Variants in CSF3R observed in about 807,000 individuals in gnomAD.
CSF3R encodes colony stimulating factor 3 receptor, also known as granulocyte colony-stimulating factor receptor.
A neutral mutation model predicts 84.4 loss-of-function variants in CSF3R; 52 were observed. That is an observed-to-expected ratio of 0.62 (90% CI 0.49 to 0.78). CSF3R has a LOEUF of 0.78. Among genes scored for constraint, CSF3R ranks in the 30% least tolerant of loss-of-function variants. The pLI is 0.00. For missense variants in CSF3R, 890 were observed against 1,055.7 expected, an observed-to-expected ratio of 0.84 and a Z score of 2.17; for synonymous variants, 384 against 429.1, an observed-to-expected ratio of 0.89 and a Z score of 1.30.
chr1:36,473,011 G>A (rs967606906), intron 6 of CSF3R: 5 of 418,224 alleles, frequency 1.2e-5, no homozygotes, highest in African/African-American at 1.0e-4. Context: ...AAAATAGCCA[G>A]TGCTCCCCTT....
chr1:36,477,877 G>A (rs1042145946), intron 3 of CSF3R, among the ~76,000 whole-genome samples: 3 of 151,914 alleles, frequency 2.0e-5, no homozygotes, highest in African/African-American at 7.3e-5. Context: ...TCCTGCCTCA[G>A]CCTCCCGAGT....
At chr1:36,471,942 G>T in intron 9 of CSF3R, 124 bp downstream of exon 9, 1 of 968,636 alleles carries the variant, frequency 1.0e-6, no homozygotes, top group Non-Finnish European at 1.6e-6. Context: ...CAAAGTGCAT[G>T]CAAATCACAT....
In CSF3R at chr1:36,473,220, G is replaced by A. The variant is rs3917968; in HGVS notation, c.673+215C>T. The A allele has an allele frequency of 1.0e-3, 609 of 602,132 alleles. 4 individuals are homozygous for A. Among genetic ancestry groups the A allele is most frequent in the African/African-American group, 9.6e-3 (518 of 54,012 alleles). 37.3% of individuals were successfully genotyped at this position (602,132 alleles called of 1,614,324 possible). A position where few individuals can be genotyped will look rare whatever the true frequency, so the allele number is the denominator to read the frequency against. On this transcript the variant is annotated intron_variant, in intron 6 of 16. Transcript: ENST00000373106. ...AAACACGCTGAAAGCATGACTGAAT[G>A]TGTCTCTTTGCCTCTGTGTCTCTTC...
chr1:36,473,319 C>T, intron 6 of CSF3R, 116 bp downstream of exon 6: 1 of 1,190,096 alleles, frequency 8.4e-7, no homozygotes, highest in East Asian at 2.4e-5. Context: ...TCTTCTGTGC[C>T]TCTGTCTCTA....
At position 36,467,984 on chromosome 1, in the gene CSF3R, C is replaced by A; in HGVS notation, c.1724-22G>T. On this transcript the variant is annotated intron_variant, in intron 13 of 16. Transcript: ENST00000373106. This position sits in a 1 kb window ranked among gnomAD's most constrained non-coding sequence, Gnocchi z 4.1. ...GCGGCTGGGAGGGGTGTACGGTCAG[C>A]ATAGGCCTGGATGGTAAAGCTGCCT... The A allele has an allele frequency of 6.2e-7, 1 of 1,614,210 alleles. No individual in the cohort carries two copies. The highest frequency in any genetic ancestry group is 8.5e-7 in the Non-Finnish European group (1 of 1,180,048).
At chr1:36,468,686 G>A in intron 12 of CSF3R, 2 of 231,192 alleles carry the variant, frequency 8.7e-6, no homozygotes, top group Non-Finnish European at 8.7e-6. Context: ...TTACAGGCAT[G>A]TGTCACTGCA....
chr1:36,472,599 T>TC lies in CSF3R; in HGVS notation c.760dup (p.Glu254GlyfsTer14). 2 of 1,613,972 alleles carry TC rather than the reference T, an allele frequency of 1.2e-6. No homozygotes were observed. The highest frequency in any genetic ancestry group is 1.7e-6 in the Non-Finnish European group (2 of 1,179,994). ...TATGTGCAGGCCTGGCTGCCATGGC[T>TC]CCCAGCACAGCTGTAGGCAGCCTGC... On this transcript the variant is annotated frameshift_variant, in exon 7 of 17. Coordinates refer to ENST00000373106, the MANE Select transcript of CSF3R (RefSeq NM_000760.4). LOFTEE classifies it high-confidence loss of function. The surrounding 1 kb of genome is among the most constrained non-coding windows in gnomAD (Gnocchi z 5.0).
rs1301960163 is a variant in CSF3R, at chr1:36,472,248, A to C, written c.987T>G (p.Thr329=). The C allele has an allele frequency of 2.5e-6, 4 of 1,614,026 alleles. No homozygotes were observed. Among genetic ancestry groups the C allele is most frequent in the Non-Finnish European group, 2.5e-6 (3 of 1,180,022 alleles). The change falls in exon 8 of 17, where the codon ACT becomes ACG. Residue 329 remains threonine, a synonymous_variant. Coordinates refer to ENST00000373106, the MANE Select transcript of CSF3R (RefSeq NM_000760.4). This position sits in a 1 kb window ranked among gnomAD's most constrained non-coding sequence, Gnocchi z 5.0. ...SDWSPSLELR[T]TERAPTVRLD... Reference sequence around the variant, plus strand: ...TCATCACCTCCTTACCCCGTTCGGTAGTTCTCAGCTCCAGGCTGGGGCTCC... The same window carrying C: ...TCATCACCTCCTTACCCCGTTCGGTCGTTCTCAGCTCCAGGCTGGGGCTCC...
At chr1:36,479,158 C>T in intron 3 of CSF3R, 1 of 512,602 alleles carries the variant, frequency 2.0e-6, no homozygotes, top group East Asian at 3.7e-5. Context: ...TGGGTTGCTT[C>T]TGACAGCTTG....
chr1:36,469,524 A>T (rs1650564034), intron 11 of CSF3R, 128 bp downstream of exon 11: 1 of 1,175,840 alleles, frequency 8.5e-7, no homozygotes. Flanking sequence ...AAATGAGAAC[A>T]ACGAAGGATC....
At chr1:36,482,281 A>G (rs1335300438) in intron 1 of CSF3R, among the ~76,000 whole-genome samples, 1 of 140,968 alleles carries the variant, frequency 7.1e-6, no homozygotes, top group Non-Finnish European at 1.5e-5. Context: ...AAAGGGCCCA[A>G]TGTACGCCGA....
chr1:36,469,064 A>C, intron 12 of CSF3R, 92 bp downstream of exon 12: 1 of 916,828 alleles, frequency 1.1e-6, no homozygotes, highest in Admixed American at 1.9e-5. Context: ...GTAGGAAGGC[A>C]ATGTTCCCTA....
At position 36,467,547 on chromosome 1, in the gene CSF3R, A is replaced by C. The variant is rs756196842; in HGVS notation, c.1958+11T>G. 1 of 1,613,116 alleles carries C rather than the reference A, an allele frequency of 6.2e-7. No individual in the cohort carries two copies. The highest frequency in any genetic ancestry group is 1.7e-5 in the Admixed American group (1 of 59,946). Reference sequence around the variant, plus strand: ...GGGAAGCAGGATCTCAGGTCTCTCAAAGGGACTCACTTGGGGCTGCAACAG... The same window carrying C: ...GGGAAGCAGGATCTCAGGTCTCTCACAGGGACTCACTTGGGGCTGCAACAG... On this transcript the variant is annotated intron_variant, in intron 15 of 16. Coordinates refer to ENST00000373106, the MANE Select transcript of CSF3R (RefSeq NM_000760.4). The surrounding 1 kb of genome is among the most constrained non-coding windows in gnomAD (Gnocchi z 4.1).
In CSF3R at chr1:36,467,037, A is replaced by G. The variant is rs1650369541; in HGVS notation, c.2040+193T>C. The G allele has an allele frequency of 2.2e-6, 3 of 1,344,404 alleles. No individual in the cohort carries two copies. Among genetic ancestry groups the G allele is most frequent in the South Asian group, 1.2e-5 (1 of 80,590 alleles). The allele number at this position is 1,344,404 out of a possible 1,614,324, so 83.3% of individuals were successfully genotyped here. On this transcript the variant is annotated intron_variant, in intron 16 of 16. Coordinates refer to ENST00000373106, the MANE Select transcript of CSF3R (RefSeq NM_000760.4). The surrounding 1 kb of genome is among the most constrained non-coding windows in gnomAD (Gnocchi z 4.1). Reference sequence around the variant, plus strand: ...CAGACTCAGCATGGTCAGTTTTTCCATATCACAGGGAGGTGACTGAGGCTT... The same window carrying G: ...CAGACTCAGCATGGTCAGTTTTTCCGTATCACAGGGAGGTGACTGAGGCTT...
In CSF3R at chr1:36,467,805, C is replaced by A. The variant is rs746679632; in HGVS notation, c.1864+17G>T. 12 of 1,614,116 alleles carry A rather than the reference C, an allele frequency of 7.4e-6. No individual in the cohort carries two copies. The highest frequency in any genetic ancestry group is 7.6e-6 in the Non-Finnish European group (9 of 1,180,046). The stretch of plus-strand genomic sequence containing the variant: ...CCTCCAAACAGCCATCTCTGCCCAG[C>A]CCCCGTCTCCCCTTACCTGGGGTCA... On this transcript the variant is annotated intron_variant, in intron 14 of 16. Coordinates refer to ENST00000373106, the MANE Select transcript of CSF3R (RefSeq NM_000760.4). This position sits in a 1 kb window ranked among gnomAD's most constrained non-coding sequence, Gnocchi z 4.1.
At chr1:36,482,306 G>T (rs201648111) in intron 1 of CSF3R, among the ~76,000 whole-genome samples, 1 of 31,294 alleles carries the variant, frequency 3.2e-5, no homozygotes, top group East Asian at 4.1e-3. Flanking sequence ...GAGAGTGGGC[G>T]GGGGGGGGGC....
intron 2 of CSF3R, among the ~76,000 whole-genome samples, chr1:36,480,889 C>G (rs1192466725): frequency 1.3e-5 from 2 of 152,200 alleles, no homozygotes; most frequent in Non-Finnish European, 2.9e-5. Context: ...GCACCCCTTC[C>G]TCTGGATGGA....
intron 3 of CSF3R, among the ~76,000 whole-genome samples, chr1:36,476,557 G>A (rs1245004958): frequency 6.6e-6 from 1 of 151,632 alleles, no homozygotes; most frequent in Non-Finnish European, 1.5e-5. Context: ...AGCTATTCTG[G>A]CTCATTCTTG....
chr1:36,481,235 T>C (rs1557602070), intron 2 of CSF3R, among the ~76,000 whole-genome samples: 1 of 152,210 alleles, frequency 6.6e-6, no homozygotes, highest in Non-Finnish European at 1.5e-5. Context: ...CACTGGCTCC[T>C]GTCCAGAGTA....
Sources: gnomAD v4.1 joint callset for allele counts (sites outside exome capture counted in the v4.1 genomes callset) on GRCh38, gnomAD v4.1.1 for gene constraint, Gnocchi (gnomAD v3.1) non-coding constraint, MANE v1.5 for transcripts, NCBI Gene and HGNC (gene_info 2026-07-23, HGNC 2026-07-21) for gene names.